PPP1R9A: variants seen among roughly 807,000 people sequenced by gnomAD.
The protein encoded by PPP1R9A is protein phosphatase 1 regulatory subunit 9A, also known as neurabin-1.
A neutral mutation model predicts 141.9 loss-of-function variants in PPP1R9A; 59 were observed. The ratio of observed to expected loss-of-function variants is 0.42; its 90% CI spans 0.34 to 0.52. The LOEUF (loss-of-function observed/expected upper bound fraction) is 0.52, where lower values mean the gene tolerates loss of function less well. PPP1R9A is among the 20% of genes least tolerant of loss of function. PPP1R9A has a pLI of 0.10. For missense variants in PPP1R9A, 1,444 were observed against 1,611.9 expected (o/e 0.90, Z 1.78); for synonymous variants, 500 against 569.7 (o/e 0.88, Z 1.74).
chr7:95,055,952 G>A (rs761379120), intron 2 of PPP1R9A, among the ~76,000 whole-genome samples: 19 of 151,978 alleles, frequency 1.3e-4, no homozygotes, highest in Non-Finnish European at 2.1e-4. Flanking sequence ...TCAATACAGA[G>A]CAACCCCAAA....
chr7:95,022,767 G>A (rs1166597427), intron 2 of PPP1R9A, among the ~76,000 whole-genome samples: 2 of 151,994 alleles, frequency 1.3e-5, no homozygotes, highest in Admixed American at 6.6e-5. Context: ...TTCTGTTTAT[G>A]TGATGGATTA....
At chr7:95,258,894 A>G (rs1302696416) in intron 12 of PPP1R9A, among the ~76,000 whole-genome samples, 1 of 152,128 alleles carries the variant, frequency 6.6e-6, no homozygotes, top group East Asian at 1.9e-4. Context: ...AAAATAGAAG[A>G]TGTGAAAATC....
At chr7:95,046,308 A>G (rs1810007197) in intron 2 of PPP1R9A, among the ~76,000 whole-genome samples, 1 of 151,998 alleles carries the variant, frequency 6.6e-6, no homozygotes, top group East Asian at 1.9e-4. Context: ...CTGAACTTCA[A>G]GTTCTTGGTC....
intron 2 of PPP1R9A, among the ~76,000 whole-genome samples, chr7:94,936,373 T>C (rs1794762288): frequency 1.3e-5 from 2 of 152,170 alleles, no homozygotes; most frequent in Non-Finnish European, 2.9e-5. Flanking sequence ...GGAAAGCTTT[T>C]AACATTAAAT....
At position 95,185,322 on chromosome 7, in the gene PPP1R9A, A is replaced by G. The variant is rs202244022; in HGVS notation, c.1755-13027A>G. Among the ~76,000 whole-genome samples the G allele has an allele frequency of 1.6e-4, 24 of 151,178 alleles. No individual in the cohort carries two copies. The East Asian group carries it at 4.7e-3, about 29-fold the overall frequency. On this transcript the variant is annotated intron_variant, in intron 5 of 19. Coordinates refer to ENST00000433360, the MANE Select transcript of PPP1R9A (RefSeq NM_001166160.2). ...TTTTTCATACATTTGTTAGCCACTT[A>G]TATATATCTTCTTTGAGAACTGTCT...
Position 95,280,127 on chromosome 7 carries a change from T to A in PPP1R9A, c.3297-3891T>A, listed in dbSNP as rs2153070572. Among the ~76,000 whole-genome samples the A allele has an allele frequency of 1.3e-5, 2 of 152,266 alleles. 1 individual carries two copies. ...TTCTCACAGCTGTTATCCATTAGGG[T>A]CTCTAGATCCCATTTAGATGAGGCT... On this transcript the variant is annotated intron_variant, in intron 16 of 19. Transcript: ENST00000433360.
chr7:95,247,758 C>T (rs1037962173), intron 9 of PPP1R9A, among the ~76,000 whole-genome samples: 2 of 152,126 alleles, frequency 1.3e-5, no homozygotes, highest in African/African-American at 4.8e-5. Flanking sequence ...TGTATTTGCA[C>T]ATATGTGGCC....
intron 5 of PPP1R9A, among the ~76,000 whole-genome samples, chr7:95,190,634 T>C (rs1032236893): frequency 1.3e-5 from 2 of 152,234 alleles, no homozygotes; most frequent in African/African-American, 4.8e-5. Flanking sequence ...GTTGCTGTAA[T>C]GTCCTAAGTT....
intron 2 of PPP1R9A, among the ~76,000 whole-genome samples, chr7:94,944,171 T>C (rs984184513): frequency 3.3e-5 from 5 of 152,138 alleles, no homozygotes; most frequent in Non-Finnish European, 7.4e-5. Context: ...TTCCAATTCT[T>C]CTCTTCTAGC....
At chr7:95,222,498 C>T (rs1459191964) in intron 7 of PPP1R9A, among the ~76,000 whole-genome samples, 3 of 151,896 alleles carry the variant, frequency 2.0e-5, no homozygotes, top group Non-Finnish European at 1.5e-5. Flanking sequence ...TCATTTTTTA[C>T]CCCTTTGTGT....
chr7:94,967,962 C>G (rs370955382), intron 2 of PPP1R9A, among the ~76,000 whole-genome samples: 1 of 152,088 alleles, frequency 6.6e-6, no homozygotes, highest in African/African-American at 2.4e-5. Context: ...TCCTGAATAT[C>G]CTTGTTAATT....
intron 2 of PPP1R9A, among the ~76,000 whole-genome samples, chr7:94,942,933 A>G (rs1346652286): frequency 1.3e-5 from 2 of 152,110 alleles, no homozygotes; most frequent in East Asian, 1.9e-4. Flanking sequence ...GTTTAAAATC[A>G]TGTTTAAATA....
chr7:94,929,597 G>A (rs1793914626), intron 2 of PPP1R9A, among the ~76,000 whole-genome samples: 1 of 152,124 alleles, frequency 6.6e-6, no homozygotes, highest in Non-Finnish European at 1.5e-5. Flanking sequence ...ACATGTTAAG[G>A]CAAGGGCAGA....
intron 2 of PPP1R9A, among the ~76,000 whole-genome samples, chr7:95,038,336 G>A (rs1808740695): frequency 6.6e-6 from 1 of 152,004 alleles, no homozygotes; most frequent in South Asian, 2.1e-4. Flanking sequence ...AGTTTAAATG[G>A]CAATTTTGAT....
chr7:94,956,331 C>T (rs7794416), intron 2 of PPP1R9A, among the ~76,000 whole-genome samples: 14,292 of 152,032 alleles, frequency 0.094, 744 homozygotes, highest in Admixed American at 0.15. Context: ...CAAAAACCTG[C>T]GTGCCATAGA....
chr7:95,262,619 A>G (rs1314235018), intron 12 of PPP1R9A, among the ~76,000 whole-genome samples: 3 of 152,186 alleles, frequency 2.0e-5, no homozygotes, highest in Non-Finnish European at 2.9e-5. Flanking sequence ...CTCTCTGTCC[A>G]CTGAGAACAG....
intron 4 of PPP1R9A, among the ~76,000 whole-genome samples, chr7:95,133,312 G>T (rs1396307275): frequency 6.6e-6 from 1 of 151,986 alleles, no homozygotes; most frequent in African/African-American, 2.4e-5. Flanking sequence ...TGGCTTGTAG[G>T]TCGGGTTTCA....
intron 2 of PPP1R9A, among the ~76,000 whole-genome samples, chr7:94,929,875 T>C (rs963955434): frequency 2.6e-5 from 4 of 152,108 alleles, no homozygotes; most frequent in African/African-American, 9.7e-5. Context: ...CAGAAGATGA[T>C]AAGAGGTGCT....
chr7:95,174,393 C>A (rs914623406), intron 5 of PPP1R9A, among the ~76,000 whole-genome samples: 1 of 151,994 alleles, frequency 6.6e-6, no homozygotes, highest in African/African-American at 2.4e-5. Flanking sequence ...GAAGGAAGGA[C>A]CATTTCTGAG....
Sources: gnomAD v4.1 joint callset for allele counts (sites outside exome capture counted in the v4.1 genomes callset) on GRCh38, gnomAD v4.1.1 for gene constraint, MANE v1.5 for transcripts, NCBI Gene and HGNC (gene_info 2026-07-23, HGNC 2026-07-21) for gene names.